Variants in LIPI observed in about 807,000 individuals in gnomAD.
The protein encoded by LIPI is lipase member I.
In LIPI, 59 loss-of-function variants were observed where a neutral mutation model predicts 50.6. The observed-to-expected ratio is 1.16, with a 90% CI of 0.94 to 1.45. The LOEUF is 1.45. Ranked by LOEUF, LIPI falls within the 40% of genes most tolerant of loss-of-function variation. LIPI has a pLI of 0.00. For missense variants in LIPI, 586 were observed against 536.3 expected (o/e 1.09, Z -0.92); for synonymous variants, 203 against 178.2 (o/e 1.14, Z -1.11).
intron 9 of LIPI, among the ~76,000 whole-genome samples, chr21:14,120,984 A>C (rs1224443557): frequency 6.6e-6 from 1 of 152,254 alleles, no homozygotes; most frequent in Non-Finnish European, 1.5e-5. Context: ...AAACAGGAGC[A>C]GTGCCATGTG....
chr21:14,207,169 G>A (rs1168088194), intron 1 of LIPI, among the ~76,000 whole-genome samples: 3 of 152,086 alleles, frequency 2.0e-5, no homozygotes, highest in African/African-American at 4.8e-5. Context: ...ATGTAGTTGT[G>A]AAGCAATCAA....
At chr21:14,168,656 G>A (rs1484202512) in intron 4 of LIPI, among the ~76,000 whole-genome samples, 3 of 152,104 alleles carry the variant, frequency 2.0e-5, no homozygotes, top group Admixed American at 6.5e-5. Context: ...TTACAGACAA[G>A]CAAATGCTGA....
At chr21:14,194,396 C>A (rs2123303592) in intron 1 of LIPI, among the ~76,000 whole-genome samples, 1 of 151,336 alleles carries the variant, frequency 6.6e-6, no homozygotes. Flanking sequence ...AAGGTGGAAG[C>A]CACACAAGTA....
intron 8 of LIPI, among the ~76,000 whole-genome samples, chr21:14,151,750 G>A (rs569792468): frequency 1.3e-5 from 2 of 152,176 alleles, no homozygotes; most frequent in South Asian, 4.2e-4. Flanking sequence ...ACAAGCTCAA[G>A]CCAAGAGCAT....
At chr21:14,200,814 C>A (rs535653714) in intron 1 of LIPI, among the ~76,000 whole-genome samples, 2 of 152,084 alleles carry the variant, frequency 1.3e-5, no homozygotes, top group South Asian at 4.2e-4. Flanking sequence ...CCAAGGCAAT[C>A]CTAAGCACAA....
intron 9 of LIPI, among the ~76,000 whole-genome samples, chr21:14,137,256 A>T (rs376259800): frequency 6.6e-6 from 1 of 152,214 alleles, no homozygotes; most frequent in Non-Finnish European, 1.5e-5. Context: ...CCAGTAAACA[A>T]TCCTGGAGAA....
chr21:14,165,934 C>G (rs1055442707), intron 5 of LIPI, among the ~76,000 whole-genome samples: 1 of 152,126 alleles, frequency 6.6e-6, no homozygotes, highest in African/African-American at 2.4e-5. Context: ...AATTCCACAC[C>G]TGGGGAAGTT....
chr21:14,201,684 C>T (rs547870414), intron 1 of LIPI, among the ~76,000 whole-genome samples: 181 of 152,186 alleles, frequency 1.2e-3, no homozygotes, highest in Non-Finnish European at 2.2e-3. Flanking sequence ...TGGGACGTAT[C>T]TCAAAATAAT....
intron 9 of LIPI, among the ~76,000 whole-genome samples, chr21:14,137,966 T>C (rs2017565386): frequency 1.3e-5 from 2 of 152,082 alleles, no homozygotes; most frequent in African/African-American, 2.4e-5. Context: ...TTTAAAGTGC[T>C]GAAGGAAAAA....
intron 1 of LIPI, among the ~76,000 whole-genome samples, chr21:14,194,202 A>T (rs2019769330): frequency 6.6e-6 from 1 of 152,182 alleles, no homozygotes; most frequent in South Asian, 2.1e-4. Context: ...TGCATTGCTG[A>T]TGGGTTATAA....
chr21:14,189,010 A>C (rs2019551664), intron 2 of LIPI, 24 bp downstream of exon 2: 1 of 1,568,256 alleles, frequency 6.4e-7, no homozygotes, highest in African/African-American at 1.3e-5. Flanking sequence ...TAGCATGTAT[A>C]ATACATAAAA....
At position 14,129,740 on chromosome 21, in the gene LIPI, G is replaced by A. The variant is rs529272847; in HGVS notation, c.1295+14883C>T. Among the ~76,000 whole-genome samples the A allele has an allele frequency of 4.3e-4, 64 of 149,200 alleles. 1 individual carries two copies. The South Asian group carries it at 0.013, about 30-fold the overall frequency. ...TATTCCTTAATATGATAGGTAAAATGCTGATTTTTAAAAAAACCTAAGTAT... is the reference window on the plus strand; with the variant it reads ...TATTCCTTAATATGATAGGTAAAATACTGATTTTTAAAAAAACCTAAGTAT... On this transcript the variant is annotated intron_variant, in intron 9 of 9. Coordinates refer to ENST00000681601, the MANE Select transcript of LIPI (RefSeq NM_001302998.2).
intron 4 of LIPI, among the ~76,000 whole-genome samples, chr21:14,171,594 T>C (rs2018909609): frequency 6.6e-6 from 1 of 150,492 alleles, no homozygotes. Flanking sequence ...TTGACAAACC[T>C]GAGAAAAACA....
intron 1 of LIPI, among the ~76,000 whole-genome samples, chr21:14,198,058 A>T (rs1013762855): frequency 6.6e-6 from 1 of 152,180 alleles, no homozygotes; most frequent in South Asian, 2.1e-4. Context: ...TCTTTTTCAG[A>T]CAAGCAAAGG....
rs373779693 is a variant in LIPI at position 14,163,515 on chromosome 21, C to A, written c.910G>T (p.Ala304Ser). 1 of 1,496,430 alleles carries A rather than the reference C, an allele frequency of 6.7e-7. No homozygotes were observed. The highest frequency in any genetic ancestry group is 9.3e-7 in the Non-Finnish European group (1 of 1,073,290). 92.7% of individuals were successfully genotyped at this position (1,496,430 alleles called of 1,614,324 possible). A position where few individuals can be genotyped will look rare whatever the true frequency, so the allele number is the denominator to read the frequency against. The change falls in exon 7 of 10, where the codon GCC becomes TCC. Residue 304 changes from alanine to serine, a missense_variant. Transcript: ENST00000681601. ...TTTAAAACACCTTTAAATAGCTTGG[C>A]TTGATAACCTGAGATTTGAGAAATA... is the stretch of plus-strand genomic sequence containing the variant. ...EKSCPRLGYQ[A>S]KLFKGVLKER...
Position 14,109,014 on chromosome 21 carries a change from T to A in LIPI, c.1362A>T (p.Thr454=). The change falls in exon 10 of 10, where the codon ACA becomes ACT. Residue 454 remains threonine, a synonymous_variant. Transcript: ENST00000681601. ...DREEVFLNPN[T]CTPKNT is the part of the protein sequence containing the mutation. ...CATCTTATGTGTTCTTTGGTGTACA[T>A]GTGTTTGGATTAAGAAACACTTCCT... 1 of 1,606,762 alleles carries A rather than the reference T, an allele frequency of 6.2e-7. No individual in the cohort carries two copies. Among genetic ancestry groups the A allele is most frequent in the Non-Finnish European group, 8.5e-7 (1 of 1,173,668 alleles).
chr21:14,123,649 C>T (rs2016944879), intron 9 of LIPI, among the ~76,000 whole-genome samples: 1 of 152,048 alleles, frequency 6.6e-6, no homozygotes, highest in East Asian at 1.9e-4. Flanking sequence ...TAACAAATGG[C>T]CTCCTGAAAG....
chr21:14,126,142 T>C (rs967666651), intron 9 of LIPI, among the ~76,000 whole-genome samples: 1 of 152,172 alleles, frequency 6.6e-6, no homozygotes, highest in African/African-American at 2.4e-5. Context: ...AGACTGGCAG[T>C]TTCTTATAAA....
intron 4 of LIPI, among the ~76,000 whole-genome samples, chr21:14,168,922 T>C (rs2018791715): frequency 6.6e-6 from 1 of 151,246 alleles, no homozygotes; most frequent in Non-Finnish European, 1.5e-5. Context: ...ACTGGCAAAT[T>C]GGATAAAGAG....
Sources: allele counts gnomAD v4.1 joint callset (sites outside exome capture counted in the v4.1 genomes callset), GRCh38; gene constraint gnomAD v4.1.1; transcripts MANE v1.5; gene names NCBI Gene and HGNC (gene_info 2026-07-23, HGNC 2026-07-21).